Variants in ZFP82 observed in about 807,000 individuals in gnomAD.
ZFP82 encodes the protein ZFP82 zinc finger protein.
A neutral mutation model predicts 54.0 loss-of-function variants in ZFP82; 30 were observed. The observed-to-expected ratio is 0.56, with a 90% confidence interval of 0.42 to 0.75. ZFP82 has a LOEUF of 0.75. Ranked by LOEUF, ZFP82 falls within the 30% of genes least tolerant of loss-of-function variation. ZFP82 has a pLI of 0.00. For missense variants in ZFP82, 500 were observed against 636.8 expected (o/e 0.79, Z 2.31); for synonymous variants, 194 against 209.5 (o/e 0.93, Z 0.64).
intron 4 of ZFP82, among the ~76,000 whole-genome samples, chr19:36,402,999 C>G (rs1227637349): frequency 6.6e-6 from 1 of 151,856 alleles, no homozygotes; most frequent in Non-Finnish European, 1.5e-5. Context: ...AAAAATTAGC[C>G]GGGCGTGGTG....
chr19:36,386,357 A>G (rs1220877152), downstream of ZFP82, among the ~76,000 whole-genome samples: 1 of 152,200 alleles, frequency 6.6e-6, no homozygotes, highest in Non-Finnish European at 1.5e-5. Flanking sequence ...GGCTTCCTTC[A>G]CTTAGATTTC....
intron 4 of ZFP82, chr19:36,394,442 T>C (rs1238691038): frequency 4.5e-6 from 1 of 224,514 alleles, no homozygotes; most frequent in Non-Finnish European, 8.7e-6. Context: ...TGGAAGGATA[T>C]TTAATATTCT....
At position 36,393,033 on chromosome 19, in the gene ZFP82, T is replaced by C; in HGVS notation, c.1307A>G (p.Gln436Arg). 6.2e-7 allele frequency: 1 copy of C among 1,614,222 alleles called. No individual in the cohort carries two copies. The highest frequency in any genetic ancestry group is 8.5e-7 in the Non-Finnish European group (1 of 1,180,034). The part of the protein sequence containing the change: ...ECGKAFRLLS[Q>R]LTQHQSIHIG... ...ATGAATACTCTGATGCTGTGTGAGT[T>C]GTGAAAGTAGTCTGAAGGCCTTCCC... is the stretch of plus-strand genomic sequence containing the variant. The change falls in exon 5 of 5, where the codon CAA becomes CGA. Residue 436 changes from glutamine to arginine, a missense_variant. Coordinates refer to ENST00000392161, the MANE Select transcript of ZFP82 (RefSeq NM_133466.4).
chr19:36,406,035 T>C (rs2967521), intron 3 of ZFP82, among the ~76,000 whole-genome samples: 103,265 of 151,946 alleles, frequency 0.68, 35,384 homozygotes, highest in African/African-American at 0.76. Context: ...ATCATAGTAC[T>C]TATCTTATAT....
chr19:36,414,883 A>G (rs1301583796), intron 1 of ZFP82, among the ~76,000 whole-genome samples: 1 of 150,294 alleles, frequency 6.7e-6, no homozygotes, highest in Admixed American at 6.7e-5. Flanking sequence ...ATGCAATGGC[A>G]AGATCTCGGC....
intron 4 of ZFP82, among the ~76,000 whole-genome samples, chr19:36,398,830 C>G (rs2032339749): frequency 1.3e-5 from 2 of 152,000 alleles, no homozygotes; most frequent in Admixed American, 1.3e-4. Flanking sequence ...TAAAAAAGCT[C>G]AGTGAAACTG....
At position 36,392,885 on chromosome 19, in the gene ZFP82, C is replaced by T; in HGVS notation, c.1455G>A (p.Lys485=). 1 of 1,613,874 alleles carries T rather than the reference C, an allele frequency of 6.2e-7. No homozygotes were observed. The highest frequency in any genetic ancestry group is 1.1e-5 in the South Asian group (1 of 91,056). ...EKPFECKECR[K]AFRLNSSLIQ... ...TAAGGGATGAATTAAGTCTAAAGGC[C>T]TTCCTACATTCCTTACACTCAAAGG... The change falls in exon 5 of 5, where the codon AAG becomes AAA. Residue 485 remains lysine, a synonymous_variant. Transcript: ENST00000392161.
At chr19:36,415,046 C>T (rs750222648) in intron 1 of ZFP82, among the ~76,000 whole-genome samples, 27 of 152,248 alleles carry the variant, frequency 1.8e-4, no homozygotes, top group South Asian at 4.1e-4. Flanking sequence ...GTCTGGAACT[C>T]CTGACCTCAG....
rs1290156275 is a variant in ZFP82 at position 36,413,645 on chromosome 19, G to A, written c.-78-3778C>T. On this transcript the variant is annotated intron_variant, in intron 1 of 4. Transcript: ENST00000392161. Reference sequence around the variant, plus strand: ...CAGACTCTCAGTTATTAAAAATACAGGCTTTGTTATCAAGATTCAGGATAT... The same window carrying A: ...CAGACTCTCAGTTATTAAAAATACAAGCTTTGTTATCAAGATTCAGGATAT... 2.6e-5 allele frequency among the ~76,000 whole-genome samples: 4 copies of A among 152,178 alleles called. No individual in the cohort carries two copies. The South Asian group carries it at 6.2e-4, about 24-fold the overall frequency.
chr19:36,404,770 G>A (rs1044149641), intron 4 of ZFP82, among the ~76,000 whole-genome samples: 14 of 152,344 alleles, frequency 9.2e-5, no homozygotes, highest in African/African-American at 3.4e-4. Flanking sequence ...CTGGGCAGAA[G>A]CCTAGGCTAC....
intron 1 of ZFP82, among the ~76,000 whole-genome samples, chr19:36,410,977 G>C (rs2145598297): frequency 6.7e-6 from 1 of 149,800 alleles, no homozygotes; most frequent in Non-Finnish European, 1.5e-5. Flanking sequence ...TGGATCACCT[G>C]AGGTCAGGAG....
rs10695573 is a variant in ZFP82, at chr19:36,390,331, C to CTTTTTTT, written c.*2403_*2409dup. The stretch of plus-strand genomic sequence containing the variant: ...TTAAAGTGTAGGATTCCATTTTTGT[C>CTTTTTTT]TTTTTTTTTTTTTTTTTTGACATGT... On this transcript the variant is annotated 3_prime_UTR_variant, in exon 5 of 5. Transcript: ENST00000392161. 3.1e-5 allele frequency: 4 copies of CTTTTTTT among 130,688 alleles called. No homozygotes were observed. The highest frequency in any genetic ancestry group is 8.9e-5 in the African/African-American group (3 of 33,774). The allele number at this position is 130,688 out of a possible 1,614,324, so 8.1% of individuals were successfully genotyped here. A position where few individuals can be genotyped will look rare whatever the true frequency, so the allele number is the denominator to read the frequency against.
intron 4 of ZFP82, among the ~76,000 whole-genome samples, chr19:36,400,179 G>C (rs1250923134): frequency 6.6e-6 from 1 of 151,934 alleles, no homozygotes; most frequent in Non-Finnish European, 1.5e-5. Context: ...TCCTTTTTTT[G>C]ATCAGGTAAA....
At chr19:36,412,275 T>A (rs918132657) in intron 1 of ZFP82, among the ~76,000 whole-genome samples, 1 of 152,214 alleles carries the variant, frequency 6.6e-6, no homozygotes, top group Non-Finnish European at 1.5e-5. Context: ...TTGATCTTGA[T>A]TTCCTTTTCG....
chr19:36,408,004 T>C lies in ZFP82; in HGVS notation c.19A>G (p.Met7Val). ...AAGTCTATGGATACATCACTGAACA[T>C]CACTGATCGCTGAAATGACAAACCA... MALRSV[M>V]FSDVSIDFSP... Residue 7 changes from methionine to valine, a missense_variant, in exon 3 of 5, where the codon ATG becomes GTG. Met to Val is a conservative substitution (Grantham distance 21). Transcript: ENST00000392161. 6.2e-7 allele frequency: 1 copy of C among 1,613,408 alleles called. No individual in the cohort carries two copies. The highest frequency in any genetic ancestry group is 1.7e-5 in the Admixed American group (1 of 59,794).
At chr19:36,385,045 T>G (rs2032100626), downstream of ZFP82, among the ~76,000 whole-genome samples, 1 of 152,146 alleles carries the variant, frequency 6.6e-6, no homozygotes, top group Non-Finnish European at 1.5e-5. Flanking sequence ...AAAGTTCATT[T>G]CCAAGTTTTT....
intron 4 of ZFP82, among the ~76,000 whole-genome samples, chr19:36,403,531 A>C (rs368296385): frequency 2.3e-4 from 35 of 150,138 alleles, no homozygotes; most frequent in East Asian, 1.2e-3. Flanking sequence ...GAGGCAGAGA[A>C]CTGCTTAAAC....
In ZFP82 at chr19:36,392,738, T is replaced by C. The variant is rs769727289; in HGVS notation, c.*3A>G. ...CTATAACACAGAAGTTGAAAAGACT[T>C]TCTTAGATTTTTACATTATGAATTT... On this transcript the variant is annotated 3_prime_UTR_variant, in exon 5 of 5. Transcript: ENST00000392161. The C allele has an allele frequency of 2.1e-5, 33 of 1,546,274 alleles. No homozygotes were observed. The highest frequency in any genetic ancestry group is 2.9e-5 in the Non-Finnish European group (33 of 1,152,850).
At chr19:36,396,408 G>A (rs2032293977) in intron 4 of ZFP82, among the ~76,000 whole-genome samples, 1 of 152,084 alleles carries the variant, frequency 6.6e-6, no homozygotes, top group Non-Finnish European at 1.5e-5. Flanking sequence ...AGCACTTTGG[G>A]AGGCCGAGAT....
Sources: allele counts gnomAD v4.1 joint callset (sites outside exome capture counted in the v4.1 genomes callset), GRCh38; gene constraint gnomAD v4.1.1; transcripts MANE v1.5; gene names NCBI Gene and HGNC (gene_info 2026-07-23, HGNC 2026-07-21).